Variants in RSRC2 observed in about 807,000 individuals in gnomAD.
The protein encoded by RSRC2 is arginine/serine-rich coiled-coil protein 2.
A neutral mutation model predicts 61.3 loss-of-function variants in RSRC2; 5 were observed. The ratio of observed to expected loss-of-function variants is 0.08; its 90% CI spans 0.04 to 0.17. The LOEUF (loss-of-function observed/expected upper bound fraction) is 0.17. RSRC2 is among the 10% of genes least tolerant of loss of function. RSRC2 has a pLI of 1.00. For synonymous variants in RSRC2, 202 were observed against 166.5 expected, an observed-to-expected ratio of 1.21 and a Z score of -1.64; for missense variants, 381 against 518.8, an observed-to-expected ratio of 0.73 and a Z score of 2.58.
At chr12:122,525,101 C>G (rs1027062951) in intron 1 of RSRC2, among the ~76,000 whole-genome samples, 1 of 152,122 alleles carries the variant, frequency 6.6e-6, no homozygotes, top group African/African-American at 2.4e-5. Context: ...CGGCCGGGCG[C>G]GGTGGCTCAC....
intron 3 of RSRC2, 35 bp from the exon 4 acceptor site, chr12:122,519,064 TAGTGCAACAA>T (rs1302126413): frequency 6.3e-7 from 1 of 1,581,996 alleles, no homozygotes; most frequent in Admixed American, 1.7e-5. Context: ...TTCAGGAAAA[TAGTGCAACAA>T]AGAGAGTTAG....
intron 9 of RSRC2, among the ~76,000 whole-genome samples, chr12:122,506,018 T>C (rs1958093822): frequency 6.6e-6 from 1 of 151,394 alleles, no homozygotes; most frequent in Admixed American, 6.6e-5. Context: ...ACCTCAGGGA[T>C]CCCCCCTGCC....
intron 8 of RSRC2, 87 bp downstream of exon 8, chr12:122,508,131 A>C (rs765199842): frequency 6.5e-5 from 81 of 1,240,076 alleles, no homozygotes; most frequent in Non-Finnish European, 9.1e-5. Context: ...AGTTAAGCCG[A>C]AAGTAATATT....
intron 8 of RSRC2, chr12:122,507,191 G>T: frequency 2.4e-6 from 1 of 419,960 alleles, no homozygotes. Context: ...TAGCCTGGAT[G>T]ACTAGGTGAA....
At chr12:122,510,542 T>C (rs1002804718) in intron 7 of RSRC2, among the ~76,000 whole-genome samples, 2 of 151,442 alleles carry the variant, frequency 1.3e-5, no homozygotes, top group South Asian at 4.1e-4. Flanking sequence ...AACAACAAGA[T>C]CTGTCATGAT....
chr12:122,516,270 C>T (rs1475325509), intron 5 of RSRC2, among the ~76,000 whole-genome samples: 3 of 152,090 alleles, frequency 2.0e-5, no homozygotes, highest in Non-Finnish European at 2.9e-5. Flanking sequence ...CAGAGAATAA[C>T]GCATTCATTG....
At chr12:122,522,475 G>T in intron 1 of RSRC2, 176 bp from the exon 2 acceptor site, 1 of 514,628 alleles carries the variant, frequency 1.9e-6, no homozygotes. Context: ...GGCTTGAAAT[G>T]ACGAACCTGA....
chr12:122,511,257 T>G, intron 6 of RSRC2, 69 bp from the exon 7 acceptor site: 1 of 1,192,916 alleles, frequency 8.4e-7, no homozygotes, highest in Non-Finnish European at 1.2e-6. Context: ...TCTCTCTATA[T>G]GTGCATGTAC....
intron 8 of RSRC2, 78 bp downstream of exon 8, chr12:122,508,140 T>C (rs1958251441): frequency 1.5e-6 from 2 of 1,333,656 alleles, no homozygotes. Flanking sequence ...GAAAGTAATA[T>C]TTTTCAACCC....
chr12:122,525,801 G>GTTTTTTTTT lies in RSRC2; in HGVS notation c.6+1038_6+1046dup, dbSNP rs1169838098. 1.4e-4 allele frequency among the ~76,000 whole-genome samples: 3 copies of GTTTTTTTTT among 21,502 alleles called. 1 individual carries two copies. The highest frequency in any genetic ancestry group is 3.7e-4 in the African/African-American group (1 of 2,686). 14.1% of individuals were successfully genotyped at this position (21,502 alleles called of 152,430 possible). A position where few individuals can be genotyped will look rare whatever the true frequency, so the allele number is the denominator to read the frequency against. ...GTAGCTCCTCTGGGGTCAACGAAGA[G>GTTTTTTTTT]TTTTTTTTTTTTTTTTTTTTTTTTT... On this transcript the variant is annotated intron_variant, in intron 1 of 9. Transcript: ENST00000331738.
chr12:122,510,597 C>A (rs1958432231), intron 7 of RSRC2, among the ~76,000 whole-genome samples: 1 of 152,144 alleles, frequency 6.6e-6, no homozygotes, highest in African/African-American at 2.4e-5. Context: ...AATTTATCAA[C>A]AAAAATTATC....
At chr12:122,524,171 G>GT (rs1437254415) in intron 1 of RSRC2, among the ~76,000 whole-genome samples, 2 of 152,080 alleles carry the variant, frequency 1.3e-5, no homozygotes, top group African/African-American at 2.4e-5. Context: ...CTGCATCTCC[G>GT]TATCTTTACT....
chr12:122,507,207 G>A (rs1331595184), intron 8 of RSRC2: 7 of 377,754 alleles, frequency 1.9e-5, no homozygotes, highest in Admixed American at 1.3e-4. Flanking sequence ...GTGAAACCCC[G>A]TCTCTACTAA....
At chr12:122,510,396 G>A (rs1958410560) in intron 7 of RSRC2, among the ~76,000 whole-genome samples, 1 of 152,134 alleles carries the variant, frequency 6.6e-6, no homozygotes, top group Non-Finnish European at 1.5e-5. Flanking sequence ...TAGATGTGGT[G>A]GTGCACACCT....
chr12:122,525,105 G>A (rs1959883556), intron 1 of RSRC2, among the ~76,000 whole-genome samples: 1 of 152,164 alleles, frequency 6.6e-6, no homozygotes, highest in Non-Finnish European at 1.5e-5. Context: ...CGGGCGCGGT[G>A]GCTCACTCCT....
intron 6 of RSRC2, among the ~76,000 whole-genome samples, chr12:122,511,503 T>G (rs184844237): frequency 1.3e-5 from 2 of 152,200 alleles, no homozygotes; most frequent in Non-Finnish European, 2.9e-5. Context: ...GAAAGCTGAG[T>G]AAATTTTAGA....
intron 7 of RSRC2, among the ~76,000 whole-genome samples, chr12:122,508,893 T>C (rs892554147): frequency 2.0e-5 from 3 of 151,836 alleles, no homozygotes; most frequent in East Asian, 1.9e-4. Context: ...AAGGCGAAGG[T>C]TGCAGTGAGT....
At chr12:122,520,727 T>C (rs540828268) in intron 3 of RSRC2, 1 of 418,348 alleles carries the variant, frequency 2.4e-6, no homozygotes, top group Admixed American at 3.2e-5. Context: ...TAGGAGTCCC[T>C]TACCCAGCCC....
Position 122,504,930 on chromosome 12 carries a change from T to G in RSRC2, c.*597A>C, listed in dbSNP as rs1958027379. 6.6e-6 allele frequency: 1 copy of G among 152,670 alleles called. No homozygotes were observed. Among genetic ancestry groups the G allele is most frequent in the African/African-American group, 2.4e-5 (1 of 41,466 alleles). 9.5% of individuals were successfully genotyped at this position (152,670 alleles called of 1,614,324 possible). Reference sequence around the variant, plus strand: ...CGGTATTGACTGTAGTATAGTTAACTGGCCTTAAAAAGGGTGGTGGGGAGG... The same window carrying G: ...CGGTATTGACTGTAGTATAGTTAACGGGCCTTAAAAAGGGTGGTGGGGAGG... On this transcript the variant is annotated 3_prime_UTR_variant, in exon 10 of 10. Coordinates refer to ENST00000331738, the MANE Select transcript of RSRC2 (RefSeq NM_023012.6).
Sources: gnomAD v4.1 joint callset for allele counts (sites outside exome capture counted in the v4.1 genomes callset) on GRCh38, gnomAD v4.1.1 for gene constraint, MANE v1.5 for transcripts, NCBI Gene and HGNC (gene_info 2026-07-23, HGNC 2026-07-21) for gene names.